The following PALB2 variants were observed in gnomAD, a reference collection of about 807,000 sequenced individuals.
PALB2 encodes mutant partner and localizer of BRCA2.
A neutral mutation model predicts 107.4 loss-of-function variants in PALB2; 82 were observed. That is an observed-to-expected ratio of 0.76 (90% CI 0.64 to 0.92). The LOEUF (loss-of-function observed/expected upper bound fraction) is 0.92. Ranked by LOEUF, PALB2 falls within the 40% of genes least tolerant of loss-of-function variation. The pLI is 0.00. For missense variants in PALB2, 1,374 were observed against 1,379.9 expected, an observed-to-expected ratio of 1.00 and a Z score of 0.07; for synonymous variants, 489 against 496.8, an observed-to-expected ratio of 0.98 and a Z score of 0.21.
At chr16:23,605,261 TC>T (rs979456096) in intron 12 of PALB2, among the ~76,000 whole-genome samples, 3 of 152,154 alleles carry the variant, frequency 2.0e-5, no homozygotes, top group African/African-American at 7.2e-5. Context: ...TGACAGTCTC[TC>T]CCCAACCCTC....
chr16:23,615,619 G>T (rs1966671714), intron 10 of PALB2, among the ~76,000 whole-genome samples: 1 of 151,850 alleles, frequency 6.6e-6, no homozygotes, highest in African/African-American at 2.4e-5. Flanking sequence ...TTACTCTGTT[G>T]ATGAAAAACT....
chr16:23,632,343 T>C (rs1377517290), intron 4 of PALB2, among the ~76,000 whole-genome samples: 1 of 151,212 alleles, frequency 6.6e-6, no homozygotes, highest in African/African-American at 2.4e-5. Flanking sequence ...ACTCAGGAGG[T>C]TGAGGCAGGA....
intron 1 of PALB2, chr16:23,638,518 C>A: frequency 2.2e-6 from 1 of 462,536 alleles, no homozygotes; most frequent in Non-Finnish European, 4.3e-6. Flanking sequence ...TTGAAGGTAG[C>A]AGGAACTGCC....
In PALB2 at chr16:23,637,869, T is replaced by C. The variant is rs1555462038; in HGVS notation, c.192A>G (p.Ser64=). ...ATTTACCTGAGTGTTTTAGCTGCGG[T>C]GAGAGATCCTGCTGAGACAAACAAT... is the stretch of plus-strand genomic sequence containing the variant. ...EQDCLSQQDL[S]PQLKHSEPKN... is the part of the protein sequence containing the mutation. Residue 64 remains serine, a synonymous_variant, in exon 3 of 13, where the codon TCA becomes TCG. Coordinates refer to ENST00000261584, the MANE Select transcript of PALB2 (RefSeq NM_024675.4). 1 of 1,612,994 alleles carries C rather than the reference T, an allele frequency of 6.2e-7. No homozygotes were observed.
intron 9 of PALB2, among the ~76,000 whole-genome samples, chr16:23,622,371 A>G (rs1346469358): frequency 6.6e-6 from 1 of 151,740 alleles, no homozygotes; most frequent in Non-Finnish European, 1.5e-5. Flanking sequence ...AGGTATTTCT[A>G]TATTTTTAAA....
At chr16:23,629,440 T>G (rs1455720379) in intron 5 of PALB2, among the ~76,000 whole-genome samples, 165 bp from the exon 6 acceptor site, 1 of 152,202 alleles carries the variant, frequency 6.6e-6, no homozygotes, top group African/African-American at 2.4e-5. Context: ...GAATAGGACC[T>G]CCCATATTTA....
intron 6 of PALB2, among the ~76,000 whole-genome samples, chr16:23,627,391 G>A (rs947928145): frequency 1.3e-5 from 2 of 151,274 alleles, no homozygotes; most frequent in Non-Finnish European, 1.5e-5. Context: ...GGAGGCTGAG[G>A]CAGGAGAATG....
At chr16:23,616,721 AC>A (rs1389099650) in intron 10 of PALB2, among the ~76,000 whole-genome samples, 1 of 152,230 alleles carries the variant, frequency 6.6e-6, no homozygotes, top group African/African-American at 2.4e-5. Context: ...GTGAATATGG[AC>A]AGCAAGACTT....
intron 1 of PALB2, among the ~76,000 whole-genome samples, chr16:23,639,812 G>A (rs1181752910): frequency 1.3e-5 from 2 of 152,000 alleles, no homozygotes; most frequent in Non-Finnish European, 2.9e-5. Flanking sequence ...AGAGCGGAGA[G>A]TCTGTCTCAA....
chr16:23,639,642 A>T (rs1384789588), intron 1 of PALB2, among the ~76,000 whole-genome samples: 1 of 151,880 alleles, frequency 6.6e-6, no homozygotes, highest in Admixed American at 6.6e-5. Flanking sequence ...CAACATGGAG[A>T]AACCCTGTCT....
At chr16:23,612,300 C>T (rs919876879) in intron 11 of PALB2, among the ~76,000 whole-genome samples, 1 of 152,130 alleles carries the variant, frequency 6.6e-6, no homozygotes, top group Non-Finnish European at 1.5e-5. Context: ...TCACTGCAAC[C>T]TCCACCTCCT....
chr16:23,620,153 GA>G (rs1966748327), intron 10 of PALB2, among the ~76,000 whole-genome samples: 1 of 152,120 alleles, frequency 6.6e-6, no homozygotes, highest in Non-Finnish European at 1.5e-5. Context: ...TCCAAATGCC[GA>G]AACTGAAATT....
At position 23,641,203 on chromosome 16, in the gene PALB2, C is replaced by T. The variant is rs180177141; in HGVS notation, c.-46G>A. 5 of 1,599,666 alleles carry T rather than the reference C, an allele frequency of 3.1e-6. No homozygotes were observed. Among genetic ancestry groups the T allele is most frequent in the Non-Finnish European group, 2.6e-6 (3 of 1,173,628 alleles). ...AAGAGCAGCCGTCGCCGACCCCAGG[C>T]CTGCCGACACCGGGACCCAGTTGGC... On this transcript the variant is annotated 5_prime_UTR_variant, in exon 1 of 13. Transcript: ENST00000261584.
rs2142408998 is a variant in PALB2 at position 23,634,843 on chromosome 16, C to G, written c.1684+19G>C. ...CTTTCATCATCATCATCATCATCAT[C>G]AAACACATCTTGATTTACCTTTCAC... On this transcript the variant is annotated intron_variant, in intron 4 of 12. Transcript: ENST00000261584. 1 of 1,605,856 alleles carries G rather than the reference C, an allele frequency of 6.2e-7. No homozygotes were observed. Among genetic ancestry groups the G allele is most frequent in the Non-Finnish European group, 8.5e-7 (1 of 1,175,516 alleles).
In PALB2 at chr16:23,614,073, T is replaced by A. The variant is rs587780216; in HGVS notation, c.3132A>T (p.Gln1044His). Residue 1044 changes from glutamine (Q) to histidine (H), a missense_variant, in exon 11 of 13, where the codon CAA (glutamine) becomes CAT (histidine). By Grantham distance (24) the Gln-to-His change is conservative (BLOSUM62 0). Transcript: ENST00000261584. ...CATCAATGTGCATCTTTTTCAGGAG[T>A]TGACCAGTTTTTAAATTCCTTAGAT... Reference protein sequence around the residue: ...NIVIWNLKTGQLLKKMHIDDS... With the variant: ...NIVIWNLKTGHLLKKMHIDDS... 22 of 1,612,054 alleles carry A rather than the reference T, an allele frequency of 1.4e-5. No homozygotes were observed. Among genetic ancestry groups the A allele is most frequent in the South Asian group, 9.9e-5 (9 of 90,964 alleles).
In PALB2 at chr16:23,607,939, A is replaced by G. The variant is rs1597066815; in HGVS notation, c.3275T>C (p.Leu1092Pro). The change falls in exon 12 of 13, where the codon CTC becomes CCC. Residue 1092 changes from leucine (L) to proline (P), a missense_variant. Leu to Pro is a moderately conservative substitution (Grantham distance 98). Coordinates refer to ENST00000261584, the MANE Select transcript of PALB2 (RefSeq NM_024675.4). ...AGTCGTCTTAGGGTTAATCACAATG[A>G]GCTGAAACACAGGGCTTCGCAACGA... ...SESLRSPVFQLIVINPKTTLS... is the reference protein window; with the variant it reads ...SESLRSPVFQPIVINPKTTLS... 1 of 1,614,120 alleles carries G rather than the reference A, an allele frequency of 6.2e-7. No homozygotes were observed. Among genetic ancestry groups the G allele is most frequent in the Non-Finnish European group, 8.5e-7 (1 of 1,180,008 alleles).
In PALB2 at chr16:23,609,020, GT is replaced by G. The variant is rs779307162; in HGVS notation, c.3202-1009del. Among the ~76,000 whole-genome samples, 6 of 151,996 alleles carry G rather than the reference GT, an allele frequency of 3.9e-5. No individual in the cohort carries two copies. In the East Asian group the frequency reaches 7.7e-4, roughly 20 times the overall value. ...TTTTTGTATTTTTAGTAGAGACAGG[GT>G]TTCACCACGTTGACCAGGATGGTCT... On this transcript the variant is annotated intron_variant, in intron 11 of 12. Transcript: ENST00000261584.
At chr16:23,607,769 C>A (rs1966503172) in intron 12 of PALB2, 95 bp downstream of exon 12, 1 of 1,413,814 alleles carries the variant, frequency 7.1e-7, no homozygotes, top group Admixed American at 1.7e-5. Context: ...TCATGTTTTC[C>A]ATTCTTCTAA....
Position 23,641,245 on chromosome 16 carries a change from G to GC in PALB2, c.-89dup. 1.3e-6 allele frequency: 2 copies of GC among 1,519,204 alleles called. No individual in the cohort carries two copies. The highest frequency in any genetic ancestry group is 1.8e-6 in the Non-Finnish European group (2 of 1,114,130). 94.1% of individuals were successfully genotyped at this position (1,519,204 alleles called of 1,614,324 possible). A position where few individuals can be genotyped will look rare whatever the true frequency, so the allele number is the denominator to read the frequency against. ...CCAGTTGGCCCTGGGCCGGGGAGGC[G>GC]CCCCAGGAAGGAATGGGGAGCCCGG... On this transcript the variant is annotated 5_prime_UTR_variant, in exon 1 of 13. Transcript: ENST00000261584.
Sources: gnomAD v4.1 joint callset for allele counts (sites outside exome capture counted in the v4.1 genomes callset) on GRCh38, gnomAD v4.1.1 for gene constraint, MANE v1.5 for transcripts, NCBI Gene and HGNC (gene_info 2026-07-23, HGNC 2026-07-21) for gene names.